PBX4: variants seen among roughly 807,000 people sequenced by gnomAD.
PBX4 encodes the protein pre-B-cell leukemia transcription factor 4.
In PBX4, 26 loss-of-function variants were observed where a neutral mutation model predicts 35.1. That is an observed-to-expected ratio of 0.74 (90% CI 0.54 to 1.03). The LOEUF (loss-of-function observed/expected upper bound fraction) is 1.03, where lower values mean the gene tolerates loss of function less well. Ranked by LOEUF, PBX4 falls within the 50% of genes least tolerant of loss-of-function variation. The pLI is 0.00. For missense variants in PBX4, 448 were observed against 504.3 expected (o/e 0.89, Z 1.07); for synonymous variants, 199 against 204.2 (o/e 0.97, Z 0.22).
Position 19,561,936 on chromosome 19 carries a change from G to T in PBX4, c.*89C>A. 8.5e-7 allele frequency: 1 copy of T among 1,177,250 alleles called. No homozygotes were observed. The allele number at this position is 1,177,250 out of a possible 1,614,324, so 72.9% of individuals were successfully genotyped here. On this transcript the variant is annotated 3_prime_UTR_variant, in exon 8 of 8. Coordinates refer to ENST00000251203, the MANE Select transcript of PBX4 (RefSeq NM_025245.3). Reference sequence around the variant, plus strand: ...GCACCACCACCCATCTGGGTTTTCTGAGGTCGTCGGCGGCACGTTCAGTAA... The same window carrying T: ...GCACCACCACCCATCTGGGTTTTCTTAGGTCGTCGGCGGCACGTTCAGTAA...
At chr19:19,609,946 T>C (rs1446660611) in intron 1 of PBX4, among the ~76,000 whole-genome samples, 1 of 152,226 alleles carries the variant, frequency 6.6e-6, no homozygotes, top group Non-Finnish European at 1.5e-5. Context: ...CTTATTGTCA[T>C]CATCATCAAC....
intron 1 of PBX4, chr19:19,606,479 C>T (rs1033753635): frequency 2.0e-5 from 3 of 152,266 alleles, no homozygotes; most frequent in African/African-American, 7.2e-5. Context: ...CCCTGTGAGA[C>T]CCTAAGCAGA....
intron 2 of PBX4, among the ~76,000 whole-genome samples, chr19:19,584,842 T>A (rs915012331): frequency 2.0e-5 from 3 of 151,528 alleles, no homozygotes; most frequent in Non-Finnish European, 2.9e-5. Context: ...GCCAGGCTGG[T>A]CTCGAGCTCC....
chr19:19,586,676 T>C (rs1193537114), intron 2 of PBX4, among the ~76,000 whole-genome samples: 1 of 152,026 alleles, frequency 6.6e-6, no homozygotes, highest in Non-Finnish European at 1.5e-5. Context: ...CCGGGCATGA[T>C]GGCTCCTGCC....
chr19:19,563,466 C>T lies in PBX4; in HGVS notation c.1032+43G>A. On this transcript the variant is annotated intron_variant, in intron 7 of 7. Coordinates refer to ENST00000251203, the MANE Select transcript of PBX4 (RefSeq NM_025245.3). The surrounding 1 kb of genome is among the most constrained non-coding windows in gnomAD (Gnocchi z 5.1). ...TGACAAGACGACCCTTTCTGAGAAC[C>T]TACCACCCACCTGGGCGCTGTGGGA... is the stretch of plus-strand genomic sequence containing the variant. 1 of 1,452,542 alleles carries T rather than the reference C, an allele frequency of 6.9e-7. No individual in the cohort carries two copies. The highest frequency in any genetic ancestry group is 9.3e-7 in the Non-Finnish European group (1 of 1,074,760). The allele number at this position is 1,452,542 out of a possible 1,614,324, so 90.0% of individuals were successfully genotyped here.
chr19:19,609,113 G>A (rs1268074939), intron 1 of PBX4, among the ~76,000 whole-genome samples: 1 of 152,210 alleles, frequency 6.6e-6, no homozygotes, highest in Non-Finnish European at 1.5e-5. Flanking sequence ...AGGAAGCGAT[G>A]TCAGATTTAA....
intron 1 of PBX4, among the ~76,000 whole-genome samples, chr19:19,615,308 C>G (rs1471107044): frequency 6.6e-6 from 1 of 151,442 alleles, no homozygotes; most frequent in African/African-American, 2.4e-5. Flanking sequence ...GATGACACTA[C>G]TGCACTCTAG....
chr19:19,585,589 C>G (rs2144742990), intron 2 of PBX4, among the ~76,000 whole-genome samples: 1 of 152,320 alleles, frequency 6.6e-6, no homozygotes, highest in Non-Finnish European at 1.5e-5. Flanking sequence ...TCCCTTGTGA[C>G]CTGCACGTAT....
At chr19:19,566,040 G>A (rs902701778) in intron 5 of PBX4, among the ~76,000 whole-genome samples, 3 of 152,014 alleles carry the variant, frequency 2.0e-5, no homozygotes, top group Non-Finnish European at 4.4e-5. Flanking sequence ...TGGGATTCCA[G>A]GCCCAGCCTC....
At position 19,561,889 on chromosome 19, in the gene PBX4, G is replaced by A; in HGVS notation, c.*136C>T. The stretch of plus-strand genomic sequence containing the variant: ...CACATGAGCCGGCGCCACGGGCCTG[G>A]CTGAGGAGCAGGGGCTCATGGGCAC... On this transcript the variant is annotated 3_prime_UTR_variant, in exon 8 of 8. Coordinates refer to ENST00000251203, the MANE Select transcript of PBX4 (RefSeq NM_025245.3). 1.5e-6 allele frequency: 1 copy of A among 666,888 alleles called. No homozygotes were observed. Among genetic ancestry groups the A allele is most frequent in the South Asian group, 2.1e-5 (1 of 47,318 alleles). 41.3% of individuals were successfully genotyped at this position (666,888 alleles called of 1,614,324 possible).
chr19:19,570,512 T>C, intron 3 of PBX4, 74 bp downstream of exon 3: 1 of 1,573,484 alleles, frequency 6.4e-7, no homozygotes, highest in Non-Finnish European at 8.6e-7. Flanking sequence ...GAAAGAAAGG[T>C]GGTTAGCGTT....
At chr19:19,609,843 T>C (rs1201547585) in intron 1 of PBX4, among the ~76,000 whole-genome samples, 1 of 151,804 alleles carries the variant, frequency 6.6e-6, no homozygotes, top group Non-Finnish European at 1.5e-5. Context: ...ACAGCGAGAC[T>C]CCGTCTCAAA....
At chr19:19,598,038 G>A (rs1410179966) in intron 2 of PBX4, among the ~76,000 whole-genome samples, 1 of 152,116 alleles carries the variant, frequency 6.6e-6, no homozygotes, top group African/African-American at 2.4e-5. Flanking sequence ...GGATGACAAG[G>A]TCACAGATCA....
chr19:19,572,479 C>A (rs2144717782), intron 2 of PBX4, among the ~76,000 whole-genome samples: 1 of 152,102 alleles, frequency 6.6e-6, no homozygotes, highest in South Asian at 2.1e-4. Flanking sequence ...CTTTCTTATT[C>A]CCTACATAAC....
At position 19,564,928 on chromosome 19, in the gene PBX4, C is replaced by T. The variant is rs776366663; in HGVS notation, c.925+5G>A. 5.2e-5 allele frequency: 84 copies of T among 1,614,256 alleles called. 1 individual carries two copies. The East Asian group carries it at 1.8e-3, about 36-fold the overall frequency. ...GATGACTGTCCCTGGGCCAGCCTCA[C>T]TCACCGGAGCTAGGTGTTGACAGGC... is the stretch of plus-strand genomic sequence containing the variant. On this transcript the variant is annotated splice_donor_5th_base_variant and intron_variant, in intron 6 of 7. Coordinates refer to ENST00000251203, the MANE Select transcript of PBX4 (RefSeq NM_025245.3).
At chr19:19,618,382 G>A (rs1343334843) in intron 1 of PBX4, 129 bp downstream of exon 1, 10 of 841,726 alleles carry the variant, frequency 1.2e-5, no homozygotes, top group East Asian at 3.7e-5. Flanking sequence ...ACATCCCTTC[G>A]TCCTCGGGAC....
intron 6 of PBX4, among the ~76,000 whole-genome samples, chr19:19,564,505 C>T (rs1180156035): frequency 2.0e-5 from 3 of 152,012 alleles, no homozygotes; most frequent in Non-Finnish European, 4.4e-5. Flanking sequence ...CCTCGTGATC[C>T]GCCCGCCTCG....
At position 19,570,261 on chromosome 19, in the gene PBX4, G is replaced by C. The variant is rs777951740; in HGVS notation, c.480C>G (p.Leu160=). 2.5e-6 allele frequency: 4 copies of C among 1,613,070 alleles called. No homozygotes were observed. In the South Asian group the frequency reaches 4.4e-5, roughly 18 times the overall value. The change falls in exon 4 of 8, where the codon CTC becomes CTG. Residue 160 remains leucine, a synonymous_variant. Transcript: ENST00000251203. ...CAGGCCTCATCCTGCTCTGCTCCTGGAGGAGGTTGGTGACGTGCGTGGTGA... is the reference window on the plus strand; with the variant it reads ...CAGGCCTCATCCTGCTCTGCTCCTGCAGGAGGTTGGTGACGTGCGTGGTGA... ...REFTTHVTNL[L]QEQSRMRPVS...
intron 2 of PBX4, among the ~76,000 whole-genome samples, chr19:19,594,317 ATTGC>A (rs1391057570): frequency 6.6e-6 from 1 of 151,352 alleles, no homozygotes; most frequent in Non-Finnish European, 1.5e-5. Flanking sequence ...AGGCAGGAAA[ATTGC>A]TTGAACCTGG....
Sources: allele counts gnomAD v4.1 joint callset (sites outside exome capture counted in the v4.1 genomes callset), GRCh38; gene constraint gnomAD v4.1.1; non-coding constraint Gnocchi (gnomAD v3.1); transcripts MANE v1.5; gene names NCBI Gene and HGNC (gene_info 2026-07-23, HGNC 2026-07-21).